LUZP2: variants seen among roughly 807,000 people sequenced by gnomAD.
The protein encoded by LUZP2 is leucine zipper protein 2.
A neutral mutation model predicts 51.6 loss-of-function variants in LUZP2; 52 were observed. That is an observed-to-expected ratio of 1.01 (90% CI 0.81 to 1.27). The LOEUF (loss-of-function observed/expected upper bound fraction) is 1.27, where lower values mean the gene tolerates loss of function less well. Among genes scored for constraint, LUZP2 ranks in the 50% most tolerant of loss-of-function variants. The pLI is 0.00. For missense variants in LUZP2, 436 were observed against 395.4 expected, an observed-to-expected ratio of 1.10 and a Z score of -0.87; for synonymous variants, 154 against 137.3, an observed-to-expected ratio of 1.12 and a Z score of -0.85.
Position 24,636,388 on chromosome 11 carries a change from G to T in LUZP2, c.63-92781G>T, listed in dbSNP as rs565606256. 5.9e-5 allele frequency among the ~76,000 whole-genome samples: 9 copies of T among 152,252 alleles called. No individual in the cohort carries two copies. In the South Asian group the frequency reaches 1.7e-3, roughly 28 times the overall value. ...TAGCATGCTTACTTATAATACAGGG[G>T]TTAAGAGGGTGGATTCTGAACCTAG... is the stretch of plus-strand genomic sequence containing the variant. On this transcript the variant is annotated intron_variant, in intron 1 of 11. Transcript: ENST00000336930.
chr11:24,533,129 A>G (rs1364617875), intron 1 of LUZP2, among the ~76,000 whole-genome samples: 1 of 151,206 alleles, frequency 6.6e-6, no homozygotes, highest in Non-Finnish European at 1.5e-5. Flanking sequence ...ATGTATACTC[A>G]ATGATTTTCT....
At chr11:24,645,621 A>G (rs1165216060) in intron 1 of LUZP2, among the ~76,000 whole-genome samples, 1 of 152,138 alleles carries the variant, frequency 6.6e-6, no homozygotes, top group African/African-American at 2.4e-5. Context: ...TAATTAGCAG[A>G]GTACCTGCTA....
intron 7 of LUZP2, among the ~76,000 whole-genome samples, chr11:24,928,601 C>G (rs1227089432): frequency 6.6e-6 from 1 of 151,952 alleles, no homozygotes; most frequent in African/African-American, 2.4e-5. Flanking sequence ...GGTGGATTAT[C>G]TTTTTGAAAT....
Position 24,638,642 on chromosome 11 carries a change from A to G in LUZP2, c.63-90527A>G, listed in dbSNP as rs75008983. On this transcript the variant is annotated intron_variant, in intron 1 of 11. Transcript: ENST00000336930. ...TTTCTAAATTATGCATTTTGTTAAGAAATTAGGGCATATTGTGAAAAGAAA... is the reference window on the plus strand; with the variant it reads ...TTTCTAAATTATGCATTTTGTTAAGGAATTAGGGCATATTGTGAAAAGAAA... Among the ~76,000 whole-genome samples the G allele has an allele frequency of 5.2e-3, 788 of 151,794 alleles. 8 individuals are homozygous for G. Among genetic ancestry groups the G allele is most frequent in the Non-Finnish European group, 9.0e-3 (610 of 67,930 alleles).
At chr11:24,667,184 C>CTTTTTTT (rs199740839) in intron 1 of LUZP2, among the ~76,000 whole-genome samples, 7 of 132,056 alleles carry the variant, frequency 5.3e-5, no homozygotes, top group East Asian at 2.2e-4. Flanking sequence ...TTCTTTTTTT[C>CTTTTTTT]TTTTTTTTTT....
Position 24,926,649 on chromosome 11 carries a change from ATG to A in LUZP2, c.522+12119_522+12120del, listed in dbSNP as rs1187449426. Among the ~76,000 whole-genome samples, 556 of 123,682 alleles carry A rather than the reference ATG, an allele frequency of 4.5e-3. 3 individuals are homozygous for A. The highest frequency in any genetic ancestry group is 0.015 in the African/African-American group (521 of 34,380). 81.1% of individuals were successfully genotyped at this position (123,682 alleles called of 152,430 possible). ...TGTGTGTATATATGTATATATATAT[ATG>A]TGTGTGTATATATATATGTGTGTGT... On this transcript the variant is annotated intron_variant, in intron 7 of 11. Transcript: ENST00000336930.
chr11:24,937,593 G>C (rs2133843942), intron 7 of LUZP2, among the ~76,000 whole-genome samples: 1 of 152,220 alleles, frequency 6.6e-6, no homozygotes, highest in Admixed American at 6.5e-5. Flanking sequence ...ATTGGTCTTA[G>C]TCTCATTCAA....
intron 5 of LUZP2, among the ~76,000 whole-genome samples, chr11:24,817,271 G>A (rs993450928): frequency 3.3e-5 from 5 of 152,004 alleles, no homozygotes; most frequent in Admixed American, 2.6e-4. Context: ...GCATCAAAGT[G>A]TAATAATAAC....
intron 1 of LUZP2, among the ~76,000 whole-genome samples, chr11:24,717,919 T>C (rs1039067538): frequency 2.0e-5 from 3 of 152,314 alleles, no homozygotes; most frequent in Admixed American, 1.3e-4. Context: ...ATAAAAGATA[T>C]GATCTCATTC....
intron 1 of LUZP2, among the ~76,000 whole-genome samples, chr11:24,612,884 T>C (rs917622685): frequency 6.6e-6 from 1 of 152,118 alleles, no homozygotes; most frequent in Non-Finnish European, 1.5e-5. Context: ...CTTTCTCCAA[T>C]AGACATCTAC....
chr11:24,763,876 CATTTCCTTTTT>C (rs1224729106), intron 5 of LUZP2, among the ~76,000 whole-genome samples: 1 of 152,090 alleles, frequency 6.6e-6, no homozygotes, highest in Non-Finnish European at 1.5e-5. Context: ...TCTACCTTTT[CATTTCCTTTTT>C]ATTAAATGCA....
In LUZP2 at chr11:24,860,526, A is replaced by T. The variant is rs536151015; in HGVS notation, c.397-45465A>T. ...CAACAGGGGTTGTCAGGCACCCTAT[A>T]CAGGAGTGATCCTACTGGCAACAGG... On this transcript the variant is annotated intron_variant, in intron 5 of 11. Coordinates refer to ENST00000336930, the MANE Select transcript of LUZP2 (RefSeq NM_001009909.4). Among the ~76,000 whole-genome samples, 159 of 152,260 alleles carry T rather than the reference A, an allele frequency of 1.0e-3. 1 individual carries two copies. The highest frequency in any genetic ancestry group is 3.8e-3 in the African/African-American group (158 of 41,556).
intron 5 of LUZP2, among the ~76,000 whole-genome samples, chr11:24,820,459 T>C (rs957834655): frequency 6.6e-6 from 1 of 152,158 alleles, no homozygotes; most frequent in Non-Finnish European, 1.5e-5. Flanking sequence ...CTAGAGTTTA[T>C]GTAAATCCAC....
At chr11:24,863,890 A>G (rs1178691974) in intron 5 of LUZP2, among the ~76,000 whole-genome samples, 1 of 152,188 alleles carries the variant, frequency 6.6e-6, no homozygotes, top group African/African-American at 2.4e-5. Flanking sequence ...TCATAATGAT[A>G]CCTCACATCT....
intron 1 of LUZP2, among the ~76,000 whole-genome samples, chr11:24,630,618 A>G (rs1380593405): frequency 6.6e-6 from 1 of 150,952 alleles, no homozygotes; most frequent in Non-Finnish European, 1.5e-5. Flanking sequence ...GAAGTCAGGT[A>G]ATATGGTGCC....
At chr11:24,671,732 C>T (rs558291542) in intron 1 of LUZP2, among the ~76,000 whole-genome samples, 2 of 152,174 alleles carry the variant, frequency 1.3e-5, no homozygotes, top group South Asian at 2.1e-4. Context: ...TATGAAGAGT[C>T]CCATTCCTTG....
chr11:24,791,277 G>T (rs1849400877), intron 5 of LUZP2, among the ~76,000 whole-genome samples: 1 of 152,072 alleles, frequency 6.6e-6, no homozygotes, highest in Non-Finnish European at 1.5e-5. Flanking sequence ...GTTAATATTA[G>T]TTGAATGAGC....
intron 1 of LUZP2, among the ~76,000 whole-genome samples, chr11:24,543,270 A>C (rs1358848057): frequency 1.3e-5 from 2 of 151,992 alleles, no homozygotes; most frequent in Non-Finnish European, 1.5e-5. Flanking sequence ...ACTCCAGATA[A>C]CTTAGCAACC....
At chr11:24,890,110 T>C (rs1436697130) in intron 5 of LUZP2, among the ~76,000 whole-genome samples, 2 of 152,182 alleles carry the variant, frequency 1.3e-5, no homozygotes, top group Non-Finnish European at 2.9e-5. Flanking sequence ...TTACATGATA[T>C]ACGAATTTCC....
Sources: gnomAD v4.1 joint callset for allele counts (sites outside exome capture counted in the v4.1 genomes callset) on GRCh38, gnomAD v4.1.1 for gene constraint, MANE v1.5 for transcripts, NCBI Gene and HGNC (gene_info 2026-07-23, HGNC 2026-07-21) for gene names.